Variants in PLCL1 observed in about 807,000 individuals in gnomAD.
The protein encoded by PLCL1 is inactive phospholipase C-like protein 1.
In PLCL1, 41 loss-of-function variants were observed where a neutral mutation model predicts 84.4. That is an observed-to-expected ratio of 0.49 (90% confidence interval 0.38 to 0.63). PLCL1 has a LOEUF of 0.63. PLCL1 is among the 30% of genes least tolerant of loss of function. The pLI is 0.00. For synonymous variants in PLCL1, 490 were observed against 488.3 expected, an observed-to-expected ratio of 1.00 and a Z score of -0.05; for missense variants, 1,206 against 1,367.8, an observed-to-expected ratio of 0.88 and a Z score of 1.87.
chr2:198,097,118 T>C (rs1327394348), intron 3 of PLCL1, among the ~76,000 whole-genome samples: 1 of 152,184 alleles, frequency 6.6e-6, no homozygotes, highest in African/African-American at 2.4e-5. Flanking sequence ...TTTGCTTGTA[T>C]AGTAATAGAA....
At chr2:197,874,334 TTATAA>T (rs1205484590) in intron 1 of PLCL1, among the ~76,000 whole-genome samples, 3 of 152,080 alleles carry the variant, frequency 2.0e-5, no homozygotes, top group South Asian at 2.1e-4. Context: ...ACTTTAAAAA[TTATAA>T]TATAGTTTAG....
At chr2:197,950,580 G>A (rs754794999) in intron 1 of PLCL1, among the ~76,000 whole-genome samples, 2 of 152,138 alleles carry the variant, frequency 1.3e-5, no homozygotes, top group Non-Finnish European at 2.9e-5. Flanking sequence ...ACTAGTAGCC[G>A]TATTGTAACT....
intron 1 of PLCL1, among the ~76,000 whole-genome samples, chr2:197,838,024 A>T (rs1413235058): frequency 6.6e-6 from 1 of 152,172 alleles, no homozygotes; most frequent in Non-Finnish European, 1.5e-5. Flanking sequence ...TTACATTCTA[A>T]AATTTGTATG....
intron 1 of PLCL1, among the ~76,000 whole-genome samples, chr2:198,021,751 A>G (rs1207750182): frequency 6.6e-6 from 1 of 152,196 alleles, no homozygotes. Context: ...GGCAGTAATT[A>G]ATAGCCTACC....
chr2:197,923,061 C>A (rs1404745543), intron 1 of PLCL1, among the ~76,000 whole-genome samples: 1 of 125,428 alleles, frequency 8.0e-6, no homozygotes, highest in Admixed American at 7.6e-5. Context: ...CCAGACGGGG[C>A]GGCTGGCCGG....
intron 1 of PLCL1, among the ~76,000 whole-genome samples, chr2:198,020,902 T>C (rs544813560): frequency 1.2e-4 from 19 of 152,164 alleles, no homozygotes; most frequent in Non-Finnish European, 2.4e-4. Flanking sequence ...GCAGACCTAA[T>C]AGACATCTAC....
chr2:198,077,116 AC>A (rs1692593806), intron 1 of PLCL1, among the ~76,000 whole-genome samples: 1 of 151,898 alleles, frequency 6.6e-6, no homozygotes, highest in South Asian at 2.1e-4. Context: ...ACTTTATCTC[AC>A]TTAGTATATG....
At chr2:197,976,500 G>A (rs572040357) in intron 1 of PLCL1, among the ~76,000 whole-genome samples, 19 of 152,092 alleles carry the variant, frequency 1.2e-4, no homozygotes, top group East Asian at 1.2e-3. Flanking sequence ...CCAGGAGGGC[G>A]TGCAGTGGCA....
At chr2:197,964,103 A>G (rs1352236839) in intron 1 of PLCL1, among the ~76,000 whole-genome samples, 1 of 152,110 alleles carries the variant, frequency 6.6e-6, no homozygotes, top group African/African-American at 2.4e-5. Context: ...GTGGTTTTAT[A>G]TAAATTTTAG....
chr2:197,822,769 T>C lies in PLCL1; in HGVS notation c.240+17430T>C, dbSNP rs368143760. Among the ~76,000 whole-genome samples the C allele has an allele frequency of 3.2e-4, 48 of 152,296 alleles. 3 individuals are homozygous for C. The South Asian group carries it at 9.7e-3, about 31-fold the overall frequency. ...CTATGCCAGATGCACTGTGGTCCAC[T>C]GTAGTGGGCTGTTTTACCTTCCTTC... On this transcript the variant is annotated intron_variant, in intron 1 of 5. Coordinates refer to ENST00000428675, the MANE Select transcript of PLCL1 (RefSeq NM_006226.4).
chr2:197,923,279 G>A (rs1370803386), intron 1 of PLCL1, among the ~76,000 whole-genome samples: 1 of 149,508 alleles, frequency 6.7e-6, no homozygotes, highest in Non-Finnish European at 1.5e-5. Flanking sequence ...CTCCCTCCCG[G>A]ACGGGGTGGC....
intron 3 of PLCL1, among the ~76,000 whole-genome samples, chr2:198,091,604 T>C (rs891942265): frequency 2.6e-5 from 4 of 151,634 alleles, no homozygotes; most frequent in Admixed American, 1.3e-4. Flanking sequence ...CGCTTGAACC[T>C]GGGAGGCGGA....
chr2:197,923,374 G>A (rs1323351648), intron 1 of PLCL1, among the ~76,000 whole-genome samples: 3 of 145,920 alleles, frequency 2.1e-5, no homozygotes, highest in Non-Finnish European at 3.0e-5. Context: ...GGCAGCTGCC[G>A]GTCGGAGGGT....
At chr2:197,913,350 C>T (rs1688527834) in intron 1 of PLCL1, among the ~76,000 whole-genome samples, 1 of 152,218 alleles carries the variant, frequency 6.6e-6, no homozygotes, top group Non-Finnish European at 1.5e-5. Flanking sequence ...TGGGAAAAGA[C>T]TGCTTCATCA....
At chr2:198,092,424 T>A (rs1693067949) in intron 3 of PLCL1, among the ~76,000 whole-genome samples, 1 of 152,234 alleles carries the variant, frequency 6.6e-6, no homozygotes, top group South Asian at 2.1e-4. Context: ...TATGTAATGA[T>A]CAAATTAGAG....
intron 1 of PLCL1, among the ~76,000 whole-genome samples, chr2:197,843,870 A>G (rs906192609): frequency 2.0e-5 from 3 of 152,202 alleles, no homozygotes; most frequent in Non-Finnish European, 2.9e-5. Context: ...AGATAATGCT[A>G]ACATTAATCA....
chr2:198,083,511 T>A (rs951719060), intron 1 of PLCL1, among the ~76,000 whole-genome samples: 2 of 152,208 alleles, frequency 1.3e-5, no homozygotes, highest in Admixed American at 6.5e-5. Context: ...GAGTGATTTG[T>A]ACTTAATACT....
At chr2:197,945,630 T>G (rs1689257083) in intron 1 of PLCL1, among the ~76,000 whole-genome samples, 1 of 152,206 alleles carries the variant, frequency 6.6e-6, no homozygotes, top group Admixed American at 6.5e-5. Context: ...TGTGGGAACT[T>G]GAGCAAGTTT....
chr2:197,931,406 C>T (rs150110521), intron 1 of PLCL1, among the ~76,000 whole-genome samples: 1 of 152,256 alleles, frequency 6.6e-6, no homozygotes, highest in Non-Finnish European at 1.5e-5. Flanking sequence ...CAAGGAGGCT[C>T]AGCTGTTGCT....
Sources: gnomAD v4.1 joint callset for allele counts (sites outside exome capture counted in the v4.1 genomes callset) on GRCh38, gnomAD v4.1.1 for gene constraint, MANE v1.5 for transcripts, NCBI Gene and HGNC (gene_info 2026-07-23, HGNC 2026-07-21) for gene names.